RIMS2: variants seen among roughly 807,000 people sequenced by gnomAD.
The protein encoded by RIMS2 is regulating synaptic membrane exocytosis protein 2.
RIMS2 carries 59 observed loss-of-function variants against 174.4 expected under a neutral mutation model. That is an observed-to-expected ratio of 0.34 (90% confidence interval 0.27 to 0.42). The LOEUF (loss-of-function observed/expected upper bound fraction) is 0.42, where lower values mean the gene tolerates loss of function less well. Among genes scored for constraint, RIMS2 ranks in the 10% least tolerant of loss-of-function variants. RIMS2 has a pLI of 1.00. For synonymous variants in RIMS2, 606 were observed against 572.5 expected (o/e 1.06, Z -0.84); for missense variants, 1,620 against 1,666.3 (o/e 0.97, Z 0.48).
At chr8:104,107,676 G>A (rs2098099003) in intron 19 of RIMS2, among the ~76,000 whole-genome samples, 2 of 152,298 alleles carry the variant, frequency 1.3e-5, no homozygotes, top group Admixed American at 6.5e-5. Context: ...GGCTGGTATT[G>A]GTGGCTCACG....
At chr8:103,806,524 T>G (rs1298490850) in intron 3 of RIMS2, among the ~76,000 whole-genome samples, 1 of 152,086 alleles carries the variant, frequency 6.6e-6, no homozygotes, top group Non-Finnish European at 1.5e-5. Context: ...GCATCACATC[T>G]CTTTTCTGTA....
intron 1 of RIMS2, among the ~76,000 whole-genome samples, chr8:103,544,333 G>C (rs891229308): frequency 4.6e-5 from 7 of 152,150 alleles, no homozygotes; most frequent in Admixed American, 6.5e-5. Flanking sequence ...GAACTCAGCT[G>C]GTGGGTGCAG....
intron 19 of RIMS2, among the ~76,000 whole-genome samples, chr8:104,035,866 T>G (rs1164945781): frequency 2.0e-5 from 3 of 152,062 alleles, no homozygotes; most frequent in Admixed American, 6.6e-5. Flanking sequence ...TTGAAAAAAT[T>G]TATGTAAGAC....
intron 17 of RIMS2, among the ~76,000 whole-genome samples, chr8:104,011,305 G>T (rs1468209127): frequency 6.6e-6 from 1 of 151,892 alleles, no homozygotes; most frequent in East Asian, 1.9e-4. Flanking sequence ...TTCTACTGTG[G>T]TTCTTTTCAT....
chr8:103,508,002 T>C (rs1824523029), intron 1 of RIMS2, among the ~76,000 whole-genome samples: 1 of 152,140 alleles, frequency 6.6e-6, no homozygotes, highest in Admixed American at 6.6e-5. Flanking sequence ...GTAAAAAATA[T>C]GTCAGACTAA....
At chr8:103,996,050 T>G (rs952978258) in intron 17 of RIMS2, among the ~76,000 whole-genome samples, 16 of 151,900 alleles carry the variant, frequency 1.1e-4, no homozygotes, top group Non-Finnish European at 1.5e-5. Flanking sequence ...AAGGAATAGC[T>G]GAAGTATTAT....
chr8:104,192,590 A>G (rs1389471022), intron 19 of RIMS2, among the ~76,000 whole-genome samples: 1 of 152,186 alleles, frequency 6.6e-6, no homozygotes, highest in Non-Finnish European at 1.5e-5. Flanking sequence ...AGTATCATTC[A>G]AAACAAAATT....
At chr8:103,875,438 G>A (rs977024653) in intron 3 of RIMS2, among the ~76,000 whole-genome samples, 1 of 151,926 alleles carries the variant, frequency 6.6e-6, no homozygotes, top group Non-Finnish European at 1.5e-5. Flanking sequence ...CAAAAGAGAT[G>A]ATTTCCTTAT....
At chr8:104,003,026 T>C (rs2095445871) in intron 17 of RIMS2, among the ~76,000 whole-genome samples, 1 of 152,216 alleles carries the variant, frequency 6.6e-6, no homozygotes, top group South Asian at 2.1e-4. Flanking sequence ...TTTATTAATA[T>C]CTCTTTATTA....
intron 4 of RIMS2, among the ~76,000 whole-genome samples, 190 bp downstream of exon 7, chr8:103,886,413 G>T (rs962322515): frequency 6.6e-6 from 1 of 151,844 alleles, no homozygotes; most frequent in East Asian, 1.9e-4. Flanking sequence ...GTATAAGAAC[G>T]ACAGAATGAT....
At chr8:103,706,572 T>A (rs570866178) in intron 2 of RIMS2, among the ~76,000 whole-genome samples, 1 of 152,272 alleles carries the variant, frequency 6.6e-6, no homozygotes, top group South Asian at 2.1e-4. Context: ...AGTACAGAGT[T>A]CTCTGTTGCA....
Position 104,148,669 on chromosome 8 carries a change from GC to G in RIMS2, c.3335-96246del, listed in dbSNP as rs1566691908. ...ATATCAGGGAAGAACATGACAAAAA[GC>G]ACCAGCATCAGTGGAGACATGTGCT... On this transcript the variant is annotated intron_variant, in intron 19 of 23. Coordinates refer to ENST00000504942, the Ensembl canonical transcript of RIMS2. 4.4e-6 allele frequency: 7 copies of G among 1,598,210 alleles called. No homozygotes were observed. In the East Asian group the frequency reaches 1.6e-4, roughly 36 times the overall value.
At chr8:103,750,845 C>T (rs115336736) in intron 2 of RIMS2, among the ~76,000 whole-genome samples, 18,905 of 152,076 alleles carry the variant, frequency 0.12, 1,296 homozygotes, top group Middle Eastern at 0.22. Flanking sequence ...AACCACTTGT[C>T]TTTATAAATT....
At chr8:103,853,265 T>A (rs1469460591) in intron 3 of RIMS2, among the ~76,000 whole-genome samples, 3 of 152,066 alleles carry the variant, frequency 2.0e-5, no homozygotes, top group Admixed American at 6.6e-5. Context: ...GCCAACTTTT[T>A]AATTTTTTTT....
At chr8:103,505,616 G>A (rs1823110542) in intron 1 of RIMS2, among the ~76,000 whole-genome samples, 6 of 152,180 alleles carry the variant, frequency 3.9e-5, no homozygotes, top group Admixed American at 3.9e-4. Context: ...ATTTGAGACA[G>A]ATTCCTAGAA....
chr8:103,572,191 C>T (rs971240354), intron 1 of RIMS2, among the ~76,000 whole-genome samples: 4 of 152,130 alleles, frequency 2.6e-5, no homozygotes, highest in Non-Finnish European at 5.9e-5. Context: ...GCAAGTGTTA[C>T]AGCTCTTAAA....
intron 1 of RIMS2, among the ~76,000 whole-genome samples, chr8:103,545,461 T>G (rs532694523): frequency 1.3e-5 from 2 of 152,318 alleles, no homozygotes; most frequent in East Asian, 3.9e-4. Flanking sequence ...TTTGAGGCTA[T>G]CATTCACAAA....
chr8:104,252,427 A>C (rs2140341399), downstream of RIMS2: 1 of 153,694 alleles, frequency 6.5e-6, no homozygotes, highest in South Asian at 2.1e-4. Context: ...GAAAAACAAA[A>C]TTCTGTGGCT....
chr8:103,681,217 C>T (rs773719595), intron 1 of RIMS2, among the ~76,000 whole-genome samples: 1 of 151,984 alleles, frequency 6.6e-6, no homozygotes. Flanking sequence ...CTATGAGCCA[C>T]ATAACTTGTC....
Sources: gnomAD v4.1 joint callset for allele counts (sites outside exome capture counted in the v4.1 genomes callset) on GRCh38, gnomAD v4.1.1 for gene constraint, MANE v1.5 for transcripts, NCBI Gene and HGNC (gene_info 2026-07-23, HGNC 2026-07-21) for gene names.